SYT1: variants seen among roughly 807,000 people sequenced by gnomAD.
SYT1 encodes synaptotagmin 1, also known as synaptotagmin-1.
A neutral mutation model predicts 44.8 loss-of-function variants in SYT1; 8 were observed. The observed-to-expected ratio is 0.18, with a 90% CI of 0.10 to 0.32. The LOEUF (loss-of-function observed/expected upper bound fraction) is 0.32, where lower values mean the gene tolerates loss of function less well. Ranked by LOEUF, SYT1 falls within the 10% of genes least tolerant of loss-of-function variation. The pLI is 1.00. For synonymous variants in SYT1, 154 were observed against 188.8 expected (o/e 0.82, Z 1.51); for missense variants, 286 against 509.3 (o/e 0.56, Z 4.22).
At chr12:79,067,316 G>A (rs1050649933) in intron 3 of SYT1, among the ~76,000 whole-genome samples, 1 of 151,932 alleles carries the variant, frequency 6.6e-6, no homozygotes, top group Non-Finnish European at 1.5e-5. Flanking sequence ...AACTCCTACA[G>A]TTGACTTTAA....
At chr12:79,203,317 C>G (rs1396484361) in intron 3 of SYT1, among the ~76,000 whole-genome samples, 1 of 152,118 alleles carries the variant, frequency 6.6e-6, no homozygotes, top group African/African-American at 2.4e-5. Context: ...ATCTATCTGC[C>G]TTCCCTTTCA....
At chr12:79,153,537 A>G (rs1870407200) in intron 3 of SYT1, among the ~76,000 whole-genome samples, 1 of 152,198 alleles carries the variant, frequency 6.6e-6, no homozygotes, top group African/African-American at 2.4e-5. Flanking sequence ...TGACTGGAAA[A>G]AATAAACATA....
chr12:79,214,248 T>C (rs1443490967), intron 3 of SYT1, among the ~76,000 whole-genome samples: 2 of 152,196 alleles, frequency 1.3e-5, no homozygotes, highest in African/African-American at 4.8e-5. Context: ...TGTCTATATT[T>C]CTTACAATCT....
intron 7 of SYT1, among the ~76,000 whole-genome samples, chr12:79,297,890 A>G (rs1007848125): frequency 6.6e-6 from 1 of 152,148 alleles, no homozygotes; most frequent in Non-Finnish European, 1.5e-5. Flanking sequence ...TTTCCCCCAA[A>G]ACAGTTATCT....
At chr12:79,124,106 A>C (rs962735268) in intron 3 of SYT1, among the ~76,000 whole-genome samples, 2 of 152,202 alleles carry the variant, frequency 1.3e-5, no homozygotes, top group Non-Finnish European at 2.9e-5. Context: ...AATTGTCAAA[A>C]AGAAAAACCT....
intron 4 of SYT1, among the ~76,000 whole-genome samples, chr12:79,243,875 GGGAA>G (rs774775044): frequency 6.0e-5 from 9 of 150,840 alleles, no homozygotes; most frequent in East Asian, 1.9e-4. Context: ...GAAGGAAGGA[GGGAA>G]GGAAGGAAGG....
At chr12:78,884,115 T>TCTCTAACAGAAATATTTAAAGC (rs1327136345) in intron 1 of SYT1, among the ~76,000 whole-genome samples, 3 of 151,634 alleles carry the variant, frequency 2.0e-5, no homozygotes, top group African/African-American at 7.2e-5. Flanking sequence ...TCTCTTATAT[T>TCTCTAACAGAAATATTTAAAGC]CTCTAACAGA....
intron 3 of SYT1, among the ~76,000 whole-genome samples, chr12:79,191,778 C>A (rs1431110491): frequency 6.6e-6 from 1 of 151,902 alleles, no homozygotes; most frequent in Non-Finnish European, 1.5e-5. Flanking sequence ...TCCTTTAATC[C>A]TCATGTAACC....
chr12:78,944,510 A>G (rs1437740683), intron 1 of SYT1, among the ~76,000 whole-genome samples: 2 of 152,052 alleles, frequency 1.3e-5, no homozygotes, highest in African/African-American at 4.8e-5. Context: ...GAATGCAAAT[A>G]CAAAAAAAAA....
At chr12:79,230,285 T>C (rs1390096179) in intron 4 of SYT1, among the ~76,000 whole-genome samples, 1 of 152,198 alleles carries the variant, frequency 6.6e-6, no homozygotes, top group African/African-American at 2.4e-5. Flanking sequence ...ATCTTCTGAT[T>C]GTCTTCTCTA....
At chr12:79,072,957 A>G (rs988449006) in intron 3 of SYT1, among the ~76,000 whole-genome samples, 2 of 152,170 alleles carry the variant, frequency 1.3e-5, no homozygotes, top group African/African-American at 4.8e-5. Context: ...ATAGATAAAC[A>G]ACAAATAAAT....
At chr12:78,877,866 A>T (rs74370011) in intron 1 of SYT1, among the ~76,000 whole-genome samples, 11,440 of 151,724 alleles carry the variant, frequency 0.075, 912 homozygotes, top group African/African-American at 0.2. Context: ...TGGGTTGAAG[A>T]GATCTCCCTG....
chr12:78,986,387 T>C (rs1277411465), intron 2 of SYT1, among the ~76,000 whole-genome samples: 4 of 151,638 alleles, frequency 2.6e-5, no homozygotes, highest in Non-Finnish European at 4.4e-5. Context: ...TAGTCAGTAG[T>C]TTTTTTTGAT....
chr12:78,914,134 A>G (rs1295622724), intron 1 of SYT1, among the ~76,000 whole-genome samples: 1 of 151,924 alleles, frequency 6.6e-6, no homozygotes, highest in Admixed American at 6.6e-5. Context: ...CACCTATCAA[A>G]TTAATCACTA....
chr12:79,323,733 G>A (rs1002783177), intron 8 of SYT1, among the ~76,000 whole-genome samples: 1 of 151,516 alleles, frequency 6.6e-6, no homozygotes. Flanking sequence ...TGACTTCATG[G>A]AATATTAGAT....
At chr12:79,036,088 C>T (rs1193897060) in intron 2 of SYT1, among the ~76,000 whole-genome samples, 4 of 151,666 alleles carry the variant, frequency 2.6e-5, no homozygotes, top group Admixed American at 2.6e-4. Flanking sequence ...CTGCTCATCT[C>T]CATTCATTGA....
intron 8 of SYT1, among the ~76,000 whole-genome samples, chr12:79,332,774 C>G (rs899503699): frequency 2.0e-5 from 3 of 152,124 alleles, no homozygotes; most frequent in Non-Finnish European, 4.4e-5. Flanking sequence ...CGTCATTTAG[C>G]TAGTTATATG....
intron 9 of SYT1, among the ~76,000 whole-genome samples, chr12:79,371,475 C>T (rs926414552): frequency 6.6e-6 from 1 of 152,162 alleles, no homozygotes; most frequent in African/African-American, 2.4e-5. Flanking sequence ...CAAATCCCTG[C>T]GACTTCATAA....
chr12:79,193,294 T>C (rs1873242551), intron 3 of SYT1, among the ~76,000 whole-genome samples: 1 of 151,962 alleles, frequency 6.6e-6, no homozygotes, highest in Admixed American at 6.6e-5. Flanking sequence ...ACATAAGAGA[T>C]GTACTAGGGA....
Sources: gnomAD v4.1 joint callset for allele counts (sites outside exome capture counted in the v4.1 genomes callset) on GRCh38, gnomAD v4.1.1 for gene constraint, MANE v1.5 for transcripts, NCBI Gene and HGNC (gene_info 2026-07-23, HGNC 2026-07-21) for gene names.